Variants in MACROH2A1 observed in about 807,000 individuals in gnomAD.
The protein encoded by MACROH2A1 is macroH2A.1 histone.
MACROH2A1 carries 2 observed loss-of-function variants against 31.6 expected under a neutral mutation model. The observed-to-expected ratio is 0.06, with a 90% CI of 0.03 to 0.20. MACROH2A1 has a LOEUF of 0.20. Among genes scored for constraint, MACROH2A1 ranks in the 10% least tolerant of loss-of-function variants. The pLI, the probability that MACROH2A1 is intolerant of heterozygous loss-of-function variation, is 1.00. For synonymous variants in MACROH2A1, 169 were observed against 189.6 expected, an observed-to-expected ratio of 0.89 and a Z score of 0.89; for missense variants, 230 against 474.0, an observed-to-expected ratio of 0.49 and a Z score of 4.78.
At chr5:135,379,334 G>A (rs1765335911) in intron 2 of MACROH2A1, among the ~76,000 whole-genome samples, 1 of 152,208 alleles carries the variant, frequency 6.6e-6, no homozygotes, top group Non-Finnish European at 1.5e-5. Context: ...AATGGAAGAT[G>A]CACTTGCCTA....
chr5:135,360,985 A>C, intron 4 of MACROH2A1: 1 of 353,800 alleles, frequency 2.8e-6, no homozygotes, highest in South Asian at 2.2e-5. Context: ...TTAAGAAGAA[A>C]AACTGTTCTA....
In MACROH2A1 at chr5:135,398,656, C is replaced by G. The variant is rs1768392575; in HGVS notation, c.-34+406G>C. Among the ~76,000 whole-genome samples, 1 of 152,216 alleles carries G rather than the reference C, an allele frequency of 6.6e-6. No individual in the cohort carries two copies. Among genetic ancestry groups the G allele is most frequent in the South Asian group, 2.1e-4 (1 of 4,830 alleles). ...CCAAGTACAACTCTGCTCACAGCAG[C>G]TCCCGGGTGCCCAGGCCCAGACTGC... On this transcript the variant is annotated intron_variant, in intron 1 of 8. Transcript: ENST00000511689. The surrounding 1 kb of genome is among the most constrained non-coding windows in gnomAD (Gnocchi z 4.6).
chr5:135,360,755 C>T, intron 4 of MACROH2A1, 148 bp from the exon 5 acceptor site: 1 of 708,176 alleles, frequency 1.4e-6, no homozygotes, highest in South Asian at 1.5e-5. Context: ...AGGGGGAGCT[C>T]AGACTCATTT....
rs1183518251 is a variant in MACROH2A1 at position 135,399,142 on chromosome 5, C to G, written c.-114G>C. Reference sequence around the variant, plus strand: ...TGGCCGCTCGCGCCTTTTCTCTCCGCGCTCCTCGCTGGCCCGCCCGCCTCT... The same window carrying G: ...TGGCCGCTCGCGCCTTTTCTCTCCGGGCTCCTCGCTGGCCCGCCCGCCTCT... On this transcript the variant is annotated 5_prime_UTR_variant, in exon 1 of 9. Transcript: ENST00000511689. The surrounding 1 kb of genome is among the most constrained non-coding windows in gnomAD (Gnocchi z 4.5). 1 of 151,810 alleles carries G rather than the reference C, an allele frequency of 6.6e-6. No homozygotes were observed. Among genetic ancestry groups the G allele is most frequent in the Non-Finnish European group, 1.5e-5 (1 of 68,116 alleles). 9.4% of individuals were successfully genotyped at this position (151,810 alleles called of 1,614,324 possible). A position where few individuals can be genotyped will look rare whatever the true frequency, so the allele number is the denominator to read the frequency against.
At chr5:135,382,718 T>C (rs565940895) in intron 2 of MACROH2A1, among the ~76,000 whole-genome samples, 20 of 152,294 alleles carry the variant, frequency 1.3e-4, no homozygotes, top group Non-Finnish European at 2.4e-4. Context: ...AAGCCACAGA[T>C]TGGAAGAAAA....
At chr5:135,342,928 C>T (rs1161517997) in intron 8 of MACROH2A1, among the ~76,000 whole-genome samples, 6 of 152,192 alleles carry the variant, frequency 3.9e-5, no homozygotes, top group Admixed American at 1.3e-4. Flanking sequence ...CCTGTATTCA[C>T]GCCTCCAGAT....
chr5:135,395,279 A>G (rs1412625414), intron 1 of MACROH2A1, among the ~76,000 whole-genome samples: 2 of 152,234 alleles, frequency 1.3e-5, no homozygotes, highest in African/African-American at 2.4e-5. Context: ...GGCACTCATG[A>G]AACCGCTGGA....
At chr5:135,376,508 T>C (rs1764887410) in intron 2 of MACROH2A1, among the ~76,000 whole-genome samples, 1 of 152,256 alleles carries the variant, frequency 6.6e-6, no homozygotes, top group South Asian at 2.1e-4. Flanking sequence ...AATATCTTCC[T>C]TGTCAGGAAG....
chr5:135,398,613 G>C lies in MACROH2A1; in HGVS notation c.-34+449C>G, dbSNP rs1053659367. ...TATTGTGCCGGGGCCGGCAACTCGC[G>C]GGCCGGCGGGGGCCTCACCAAGTAC... On this transcript the variant is annotated intron_variant, in intron 1 of 8. Transcript: ENST00000511689. The surrounding 1 kb of genome is among the most constrained non-coding windows in gnomAD (Gnocchi z 4.6). 1.3e-5 allele frequency among the ~76,000 whole-genome samples: 2 copies of C among 152,300 alleles called. No individual in the cohort carries two copies. Among genetic ancestry groups the C allele is most frequent in the East Asian group, 3.9e-4 (2 of 5,148 alleles).
chr5:135,389,695 A>G (rs1766937408), intron 1 of MACROH2A1, among the ~76,000 whole-genome samples: 1 of 152,130 alleles, frequency 6.6e-6, no homozygotes, highest in Non-Finnish European at 1.5e-5. Context: ...GAGAAGAGAG[A>G]GAGAGGTGTT....
At chr5:135,343,103 A>G in intron 8 of MACROH2A1, 157 bp downstream of exon 8, 1 of 1,525,764 alleles carries the variant, frequency 6.6e-7, no homozygotes, top group South Asian at 1.2e-5. Flanking sequence ...CCTCACCATC[A>G]TTTAATGTCT....
In MACROH2A1 at chr5:135,346,101, C is replaced by T. The variant is rs143164737; in HGVS notation, c.689-44G>A. The T allele has an allele frequency of 5.5e-4, 622 of 1,123,216 alleles. 1 individual carries two copies. The African/African-American group carries it at 7.2e-3, about 13-fold the overall frequency. 69.6% of individuals were successfully genotyped at this position (1,123,216 alleles called of 1,614,324 possible). A position where few individuals can be genotyped will look rare whatever the true frequency, so the allele number is the denominator to read the frequency against. On this transcript the variant is annotated intron_variant, in intron 6 of 8. Transcript: ENST00000511689. ...GGGTCAGGTTGCCATTCTGTGTCTC[C>T]GGCACACACAGACACTTAGCATGTC...
intron 2 of MACROH2A1, among the ~76,000 whole-genome samples, chr5:135,372,914 A>T (rs776985790): frequency 3.9e-5 from 6 of 152,186 alleles, no homozygotes; most frequent in Non-Finnish European, 5.9e-5. Context: ...GTTTTGGGCC[A>T]TCGGTATCTG....
intron 5 of MACROH2A1, chr5:135,359,651 A>G: frequency 4.1e-6 from 4 of 985,266 alleles, no homozygotes; most frequent in Non-Finnish European, 4.8e-6. Flanking sequence ...AGAAATTGAC[A>G]GTGAGGGTTT....
intron 4 of MACROH2A1, among the ~76,000 whole-genome samples, chr5:135,368,075 C>T (rs1291088011): frequency 6.6e-6 from 1 of 152,206 alleles, no homozygotes; most frequent in Non-Finnish European, 1.5e-5. Context: ...GGGTTTCTCT[C>T]TCAAAGAGCT....
chr5:135,367,892 G>A (rs1763716320), intron 4 of MACROH2A1, among the ~76,000 whole-genome samples: 1 of 152,132 alleles, frequency 6.6e-6, no homozygotes, highest in Non-Finnish European at 1.5e-5. Flanking sequence ...CCTCCCAAAT[G>A]CATATGTTGA....
intron 5 of MACROH2A1, chr5:135,359,952 T>C (rs970265505): frequency 5.2e-6 from 5 of 965,164 alleles, no homozygotes; most frequent in Admixed American, 1.2e-4. Context: ...GCTGAAAATA[T>C]ATTGCCCATG....
At position 135,360,500 on chromosome 5, in the gene MACROH2A1, C is replaced by T. The variant is rs758402549; in HGVS notation, c.585G>A (p.Gln195=). The change falls in exon 5 of 9, where the codon CAG becomes CAA. Residue 195 remains glutamine (Q), a synonymous_variant. Coordinates refer to ENST00000511689, the MANE Select transcript of MACROH2A1 (RefSeq NM_138610.3). ...VLSTKSLFLG[Q]KLNLIHSEIS... Reference sequence around the variant, plus strand: ...CTGAGGCCGCGCATCTGCCTACCTTCTGGCCAAGGAAGAGGCTCTTGGTGG... The same window carrying T: ...CTGAGGCCGCGCATCTGCCTACCTTTTGGCCAAGGAAGAGGCTCTTGGTGG... 6 of 1,604,486 alleles carry T rather than the reference C, an allele frequency of 3.7e-6. No individual in the cohort carries two copies. The highest frequency in any genetic ancestry group is 5.1e-6 in the Non-Finnish European group (6 of 1,171,238).
intron 1 of MACROH2A1, among the ~76,000 whole-genome samples, chr5:135,397,525 C>T (rs10075887): frequency 6.6e-6 from 1 of 152,114 alleles, no homozygotes; most frequent in Non-Finnish European, 1.5e-5. Flanking sequence ...GGTGACAGAT[C>T]GAAGCCAAAG....
Sources: allele counts gnomAD v4.1 joint callset (sites outside exome capture counted in the v4.1 genomes callset), GRCh38; gene constraint gnomAD v4.1.1; non-coding constraint Gnocchi (gnomAD v3.1); transcripts MANE v1.5; gene names NCBI Gene and HGNC (gene_info 2026-07-23, HGNC 2026-07-21).